CMYA5: variants seen among roughly 807,000 people sequenced by gnomAD.
CMYA5 encodes the protein cardiomyopathy associated 5, also known as cardiomyopathy-associated protein 5.
In CMYA5, 246 loss-of-function variants were observed where a neutral mutation model predicts 318.9. The observed-to-expected ratio is 0.77, with a 90% CI of 0.70 to 0.86. The LOEUF is 0.86. Ranked by LOEUF, CMYA5 falls within the 40% of genes least tolerant of loss-of-function variation. CMYA5 has a pLI of 0.00. For missense variants in CMYA5, 4,589 were observed against 4,678.2 expected (o/e 0.98, Z 0.56); for synonymous variants, 1,641 against 1,729.5 (o/e 0.95, Z 1.27).
At position 79,694,747 on chromosome 5, in the gene CMYA5, A is replaced by G. The variant is rs188312769; in HGVS notation, c.149+4691A>G. On this transcript the variant is annotated intron_variant, in intron 1 of 12. Transcript: ENST00000446378. ...TCAGTACAGAGCACTCTGTTTCCAT[A>G]TATCTATTTATATGGTGTCTCCCAC... is the stretch of plus-strand genomic sequence containing the variant. Among the ~76,000 whole-genome samples, 299 of 152,268 alleles carry G rather than the reference A, an allele frequency of 2.0e-3. 2 individuals carry two copies. The Middle Eastern group carries it at 0.041, about 21-fold the overall frequency.
In CMYA5 at chr5:79,734,754, G is replaced by T; in HGVS notation, c.5989G>T (p.Ala1997Ser). The T allele has an allele frequency of 6.2e-7, 1 of 1,613,846 alleles. No homozygotes were observed. The highest frequency in any genetic ancestry group is 8.5e-7 in the Non-Finnish European group (1 of 1,179,822). ...LAEEPKSLVL[A>S]GNVERNIAEG... ...TGAAGAACCAAAGTCTTTAGTCCTA[G>T]CTGGAAATGTAGAGAGAAACATAGC... Residue 1997 changes from alanine (A) to serine (S), a missense_variant, in exon 2 of 13, where the codon GCT (alanine) becomes TCT (serine). Ala to Ser is a moderately conservative substitution (Grantham distance 99). Around this residue, in one of 3 missense-constraint regions of CMYA5, gnomAD observed 2,431 missense variants for 2,495.1 expected, o/e 0.97. Transcript: ENST00000446378.
chr5:79,708,859 G>A (rs184509382), intron 1 of CMYA5, among the ~76,000 whole-genome samples: 8 of 152,092 alleles, frequency 5.3e-5, no homozygotes, highest in African/African-American at 1.9e-4. Context: ...GGTTGAACCT[G>A]GGAGGCGGAG....
intron 2 of CMYA5, among the ~76,000 whole-genome samples, chr5:79,742,174 C>CTCG (rs1828229654): frequency 7.0e-6 from 1 of 142,160 alleles, no homozygotes; most frequent in African/African-American, 2.6e-5. Context: ...CCTCCTCCTC[C>CTCG]TCTTCTTCTT....
At chr5:79,755,632 G>A (rs1418576223) in intron 6 of CMYA5, among the ~76,000 whole-genome samples, 1 of 152,178 alleles carries the variant, frequency 6.6e-6, no homozygotes, top group African/African-American at 2.4e-5. Context: ...TGTAAACAGA[G>A]TTGCTAAACT....
intron 1 of CMYA5, among the ~76,000 whole-genome samples, chr5:79,706,952 A>G (rs1580749183): frequency 6.6e-6 from 1 of 151,990 alleles, no homozygotes; most frequent in Non-Finnish European, 1.5e-5. Flanking sequence ...CTTACCCTGC[A>G]CCCTTAGTTG....
At chr5:79,713,200 A>C (rs1016464493) in intron 1 of CMYA5, among the ~76,000 whole-genome samples, 11 of 152,074 alleles carry the variant, frequency 7.2e-5, no homozygotes, top group African/African-American at 2.4e-4. Context: ...TATTGTCACA[A>C]CCTGGGATGG....
chr5:79,718,260 T>C (rs2151080559), intron 1 of CMYA5, among the ~76,000 whole-genome samples: 1 of 152,330 alleles, frequency 6.6e-6, no homozygotes, highest in East Asian at 1.9e-4. Context: ...ACATTAATAT[T>C]AAATTAATTC....
At chr5:79,748,307 C>T (rs1490601206) in intron 5 of CMYA5, among the ~76,000 whole-genome samples, 3 of 152,030 alleles carry the variant, frequency 2.0e-5, no homozygotes, top group African/African-American at 7.2e-5. Flanking sequence ...CCAGTAATTC[C>T]CCACACTGGC....
rs575071429 is a variant in CMYA5 at position 79,738,746 on chromosome 5, G to C, written c.9981G>C (p.Glu3327Asp). The change falls in exon 2 of 13, where the codon GAG becomes GAC. Residue 3327 changes from glutamate to aspartate, a missense_variant. Glu to Asp is a conservative substitution (Grantham distance 45). Around this residue, in one of 3 missense-constraint regions of CMYA5, gnomAD observed 2,431 missense variants for 2,495.1 expected, o/e 0.97. Coordinates refer to ENST00000446378, the MANE Select transcript of CMYA5 (RefSeq NM_153610.5). ...VAMQKKAPIT[E>D]DVRVATQKIS... The stretch of plus-strand genomic sequence containing the variant: ...TGCAGAAGAAAGCTCCCATCACAGA[G>C]GACGTCAGAGTGGCTACCCAGAAAA... The C allele has an allele frequency of 6.2e-7, 1 of 1,613,904 alleles. No individual in the cohort carries two copies. Among genetic ancestry groups the C allele is most frequent in the East Asian group, 2.2e-5 (1 of 44,872 alleles).
intron 9 of CMYA5, among the ~76,000 whole-genome samples, chr5:79,786,047 G>C (rs1222812646): frequency 6.6e-6 from 1 of 152,156 alleles, no homozygotes; most frequent in Non-Finnish European, 1.5e-5. Context: ...AGCAGCCCAA[G>C]GCCTTCTGAG....
intron 9 of CMYA5, among the ~76,000 whole-genome samples, chr5:79,774,787 G>C (rs912577171): frequency 6.6e-6 from 1 of 152,212 alleles, no homozygotes; most frequent in African/African-American, 2.4e-5. Context: ...TGTCATAGGT[G>C]GGTGTTTTCA....
At position 79,732,777 on chromosome 5, in the gene CMYA5, G is replaced by C; in HGVS notation, c.4012G>C (p.Ala1338Pro). 5 of 1,613,718 alleles carry C rather than the reference G, an allele frequency of 3.1e-6. No homozygotes were observed. The highest frequency in any genetic ancestry group is 4.2e-6 in the Non-Finnish European group (5 of 1,179,808). ...EHGPPALAFS[A>P]LSEEIKKEIE... ...TGGTCCACCTGCACTAGCATTTTCA[G>C]CTTTGTCAGAAGAAATTAAAAAAGA... Residue 1338 changes from alanine to proline, a missense_variant, in exon 2 of 13, where the codon GCT becomes CCT. Physicochemically the swap from Ala to Pro is conservative, Grantham distance 27 (BLOSUM62 -1). Transcript: ENST00000446378.
At chr5:79,715,146 A>G (rs1827489473) in intron 1 of CMYA5, among the ~76,000 whole-genome samples, 1 of 152,144 alleles carries the variant, frequency 6.6e-6, no homozygotes, top group African/African-American at 2.4e-5. Flanking sequence ...CATTGCCTAG[A>G]ACAGTGTGGT....
chr5:79,705,327 C>T (rs938407551), intron 1 of CMYA5, among the ~76,000 whole-genome samples: 1 of 151,992 alleles, frequency 6.6e-6, no homozygotes, highest in Non-Finnish European at 1.5e-5. Context: ...AACACATGTG[C>T]TCTAAGCCAG....
At chr5:79,758,976 C>T (rs962826849) in intron 7 of CMYA5, 74 bp downstream of exon 7, 4 of 1,229,534 alleles carry the variant, frequency 3.3e-6, no homozygotes, top group Middle Eastern at 2.1e-4. Flanking sequence ...AAATATACAC[C>T]TGTATTATGA....
At position 79,736,509 on chromosome 5, in the gene CMYA5, G is replaced by T; in HGVS notation, c.7744G>T (p.Glu2582Ter). ...SDISLGHSLGETQSFSLVKAT... is the reference protein window; with the variant it reads ...SDISLGHSLG ...TATCTCTTTAGGTCATTCTTTGGGT[G>T]AAACTCAATCATTTTCATTAGTTAA... Residue 2582 changes from glutamate to a stop codon, truncating the protein, a stop_gained, in exon 2 of 13, where the codon GAA becomes TAA. Transcript: ENST00000446378. LOFTEE classifies it high-confidence loss of function. The T allele has an allele frequency of 6.2e-7, 1 of 1,612,888 alleles. No individual in the cohort carries two copies. Among genetic ancestry groups the T allele is most frequent in the Non-Finnish European group, 8.5e-7 (1 of 1,179,392 alleles).
In CMYA5 at chr5:79,735,918, C is replaced by A. The variant is rs1330329088; in HGVS notation, c.7153C>A (p.Pro2385Thr). The change falls in exon 2 of 13, where the codon CCA becomes ACA. Residue 2385 changes from proline (P) to threonine (T), a missense_variant. Physicochemically the swap from Pro to Thr is conservative, Grantham distance 38. Coordinates refer to ENST00000446378, the MANE Select transcript of CMYA5 (RefSeq NM_153610.5). The stretch of plus-strand genomic sequence containing the variant: ...TTCATTTGATGTAGTAGATAAGGTG[C>A]CACAACAGCCAAAATCAGCTTCCTC... ...LLSFDVVDKV[P>T]QQPKSASSNF... The A allele has an allele frequency of 8.7e-6, 14 of 1,607,920 alleles. No individual in the cohort carries two copies. Among genetic ancestry groups the A allele is most frequent in the South Asian group, 3.4e-5 (3 of 89,460 alleles).
chr5:79,730,813 A>G lies in CMYA5; in HGVS notation c.2048A>G (p.Glu683Gly). 1 of 1,613,956 alleles carries G rather than the reference A, an allele frequency of 6.2e-7. No homozygotes were observed. The highest frequency in any genetic ancestry group is 8.5e-7 in the Non-Finnish European group (1 of 1,179,858). Residue 683 changes from glutamate (E) to glycine (G), a missense_variant, in exon 2 of 13, where the codon GAG becomes GGG. By Grantham distance (98) the Glu-to-Gly change is moderately conservative (BLOSUM62 -2). This residue lies in a region of CMYA5 where 2,132 missense variants were observed against 2,131.3 expected (regional missense o/e 1.00). Coordinates refer to ENST00000446378, the MANE Select transcript of CMYA5 (RefSeq NM_153610.5). The stretch of plus-strand genomic sequence containing the variant: ...GAATACATGGTCCTATCAGGAGACG[A>G]GGCCTCAGAAAGTGGGTGTTACACA... ...TPEYMVLSGD[E>G]ASESGCYTPD...
chr5:79,708,890 C>T (rs576872230), intron 1 of CMYA5, among the ~76,000 whole-genome samples: 2 of 152,200 alleles, frequency 1.3e-5, no homozygotes, highest in East Asian at 1.9e-4. Context: ...GCTGAGATCA[C>T]GCCACCATAC....
Sources: gnomAD v4.1 joint callset for allele counts (sites outside exome capture counted in the v4.1 genomes callset) on GRCh38, gnomAD v4.1.1 for gene constraint, gnomAD v4.1.1 regional missense constraint, MANE v1.5 for transcripts, NCBI Gene and HGNC (gene_info 2026-07-23, HGNC 2026-07-21) for gene names.